Variants in REV3L observed in about 807,000 individuals in gnomAD.
REV3L encodes REV3 like, DNA directed polymerase zeta catalytic subunit.
Under a neutral mutation model 299.4 loss-of-function variants are expected in REV3L, and 69 were observed. The ratio of observed to expected loss-of-function variants is 0.23; its 90% confidence interval spans 0.19 to 0.28. The LOEUF (loss-of-function observed/expected upper bound fraction) is 0.28. Among genes scored for constraint, REV3L ranks in the 10% least tolerant of loss-of-function variants. The pLI is 1.00. For synonymous variants in REV3L, 1,238 were observed against 1,271.4 expected (o/e 0.97, Z 0.56); for missense variants, 3,128 against 3,693.8 (o/e 0.85, Z 3.97).
chr6:111,465,008 A>C (rs1315863300), intron 1 of REV3L, among the ~76,000 whole-genome samples: 3 of 152,192 alleles, frequency 2.0e-5, no homozygotes, highest in African/African-American at 7.2e-5. Flanking sequence ...TCTCAAAAAA[A>C]AGGAAAACAC....
intron 23 of REV3L, among the ~76,000 whole-genome samples, chr6:111,332,456 A>G (rs759268335): frequency 1.3e-5 from 2 of 152,238 alleles, no homozygotes; most frequent in Non-Finnish European, 2.9e-5. Context: ...AACCTTAAAT[A>G]GAAATACTGT....
intron 1 of REV3L, among the ~76,000 whole-genome samples, chr6:111,465,745 C>CAAAAAAAAAAACAAA (rs1562355432): frequency 3.9e-5 from 3 of 76,866 alleles, no homozygotes; most frequent in Non-Finnish European, 6.9e-5. Flanking sequence ...AAACAAAAAC[C>CAAAAAAAAAAACAAA]AAAAAAAAAA....
chr6:111,458,226 T>C (rs1041981548), intron 1 of REV3L, among the ~76,000 whole-genome samples: 2 of 152,114 alleles, frequency 1.3e-5, no homozygotes, highest in East Asian at 1.9e-4. Context: ...AAAAAGCTTT[T>C]GATAAAATCC....
chr6:111,391,314 C>A (rs1781906819), intron 5 of REV3L, among the ~76,000 whole-genome samples: 1 of 152,138 alleles, frequency 6.6e-6, no homozygotes, highest in Admixed American at 6.5e-5. Flanking sequence ...GATCTGCCTA[C>A]CTCGGCCTCC....
intron 1 of REV3L, among the ~76,000 whole-genome samples, chr6:111,425,165 T>A (rs1451239102): frequency 6.6e-6 from 1 of 152,022 alleles, no homozygotes; most frequent in African/African-American, 2.4e-5. Context: ...AGCAGAGATT[T>A]CAAATAGAGA....
intron 9 of REV3L, among the ~76,000 whole-genome samples, chr6:111,385,525 A>G (rs975953658): frequency 1.3e-5 from 2 of 152,206 alleles, no homozygotes; most frequent in Admixed American, 6.5e-5. Context: ...ACATCAGGGT[A>G]GGGAAGGTCT....
chr6:111,437,108 G>C (rs1787641075), intron 1 of REV3L, among the ~76,000 whole-genome samples: 1 of 152,208 alleles, frequency 6.6e-6, no homozygotes. Context: ...GTGTTGTGGA[G>C]AAACTGGAAA....
At chr6:111,399,082 G>A (rs941028492) in intron 4 of REV3L, among the ~76,000 whole-genome samples, 5 of 151,966 alleles carry the variant, frequency 3.3e-5, no homozygotes, top group Admixed American at 6.6e-5. Flanking sequence ...TAAAATAAAT[G>A]GTTTCTGTAT....
chr6:111,480,788 C>CA (rs542912757), intron 1 of REV3L, among the ~76,000 whole-genome samples: 91 of 132,426 alleles, frequency 6.9e-4, no homozygotes, highest in East Asian at 4.1e-3. Context: ...AAGTATGTAC[C>CA]AAAAAAAAAA....
chr6:111,377,726 T>C lies in REV3L; in HGVS notation c.1572A>G (p.Leu524=), dbSNP rs774934897. The C allele has an allele frequency of 3.1e-6, 5 of 1,613,498 alleles. No homozygotes were observed. Among genetic ancestry groups the C allele is most frequent in the Admixed American group, 3.3e-5 (2 of 59,878 alleles). The stretch of plus-strand genomic sequence containing the variant: ...CACTATTTTCATCTGCAGTTCCATC[T>C]AACTGAGGTATAGAAAGACTGGCTA... ...LLLASLSIPQ[L]DGTADENSDN... Residue 524 remains leucine, a synonymous_variant, in exon 12 of 32, where the codon TTA becomes TTG. Transcript: ENST00000368802.
At chr6:111,475,342 CAT>C (rs1415424369) in intron 1 of REV3L, among the ~76,000 whole-genome samples, 1 of 152,096 alleles carries the variant, frequency 6.6e-6, no homozygotes, top group Non-Finnish European at 1.5e-5. Flanking sequence ...ATTTATTTGA[CAT>C]ATATGCAAAA....
chr6:111,444,301 C>A (rs1318681976), intron 1 of REV3L, among the ~76,000 whole-genome samples: 3 of 152,084 alleles, frequency 2.0e-5, no homozygotes, highest in Non-Finnish European at 4.4e-5. Context: ...CAGATAGATT[C>A]AAATCCAAGT....
intron 22 of REV3L, 112 bp downstream of exon 22, chr6:111,335,357 A>C: frequency 8.7e-7 from 1 of 1,152,284 alleles, no homozygotes; most frequent in Non-Finnish European, 1.2e-6. Flanking sequence ...TTACCCAGCT[A>C]TTGATTAGTT....
intron 12 of REV3L, among the ~76,000 whole-genome samples, chr6:111,377,230 A>G (rs1482141615): frequency 6.6e-6 from 1 of 152,220 alleles, no homozygotes; most frequent in Non-Finnish European, 1.5e-5. Flanking sequence ...AAAAATCCTG[A>G]AGGACGAAAC....
chr6:111,341,029 T>A (rs895223997), intron 21 of REV3L, among the ~76,000 whole-genome samples: 3 of 144,684 alleles, frequency 2.1e-5, no homozygotes, highest in Non-Finnish European at 3.0e-5. Context: ...GGTGTATAAT[T>A]TCTCCTCAGC....
chr6:111,409,940 G>T (rs1027754782), intron 3 of REV3L, among the ~76,000 whole-genome samples: 10 of 152,192 alleles, frequency 6.6e-5, no homozygotes, highest in South Asian at 4.1e-4. Flanking sequence ...CCAGCTTGTT[G>T]TAAGTTCCCT....
intron 13 of REV3L, among the ~76,000 whole-genome samples, chr6:111,369,045 T>C (rs116943293): frequency 0.03 from 4,575 of 152,092 alleles, 79 homozygotes; most frequent in South Asian, 0.079. Flanking sequence ...CTCTTGGCAA[T>C]GTGAAAAAAC....
chr6:111,402,761 A>G (rs2128271156), intron 4 of REV3L, among the ~76,000 whole-genome samples: 1 of 152,302 alleles, frequency 6.6e-6, no homozygotes, highest in East Asian at 1.9e-4. Context: ...GTTGACAGTG[A>G]TGGAAAAGAA....
intron 25 of REV3L, among the ~76,000 whole-genome samples, chr6:111,327,008 T>C (rs573608503): frequency 5.9e-5 from 9 of 152,116 alleles, no homozygotes; most frequent in Non-Finnish European, 1.2e-4. Context: ...TGAGGATAGC[T>C]GAGAAGACCA....
Sources: gnomAD v4.1 joint callset for allele counts (sites outside exome capture counted in the v4.1 genomes callset) on GRCh38, gnomAD v4.1.1 for gene constraint, MANE v1.5 for transcripts, NCBI Gene and HGNC (gene_info 2026-07-23, HGNC 2026-07-21) for gene names.